Variants in TANC1 observed in about 807,000 individuals in gnomAD.
TANC1 encodes protein TANC1.
Under a neutral mutation model 149.7 loss-of-function variants are expected in TANC1, and 77 were observed. The observed-to-expected ratio is 0.51, with a 90% CI of 0.43 to 0.62. The LOEUF is 0.62. TANC1 is among the 20% of genes least tolerant of loss of function. The pLI, the probability that TANC1 is intolerant of heterozygous loss-of-function variation, is 0.00. For missense variants in TANC1, 1,985 were observed against 2,321.8 expected (o/e 0.85, Z 2.98); for synonymous variants, 854 against 925.0 (o/e 0.92, Z 1.39).
At chr2:159,166,027 A>G (rs995823558) in intron 8 of TANC1, among the ~76,000 whole-genome samples, 36 of 152,230 alleles carry the variant, frequency 2.4e-4, no homozygotes, top group African/African-American at 8.7e-4. Flanking sequence ...ATTTCACTAT[A>G]CAGATTTTCT....
intron 8 of TANC1, among the ~76,000 whole-genome samples, chr2:159,167,725 G>A (rs569082633): frequency 4.2e-4 from 64 of 152,310 alleles, no homozygotes. Context: ...GATGCAGCGA[G>A]AGGGGATATG....
Position 159,230,171 on chromosome 2 carries a change from T to C in TANC1, c.4745T>C (p.Leu1582Ser). ...CCTGCTGGGAGCAGAACCCAGCATT[T>C]AGAGGGAACAGGTACTTTCACTACA... Reference protein sequence around the residue: ...ATPAGSRTQHLEGTGTFTTRA... With the variant: ...ATPAGSRTQHSEGTGTFTTRA... Residue 1582 changes from leucine (L) to serine (S), a missense_variant, in exon 27 of 27, where the codon TTA becomes TCA. Coordinates refer to ENST00000263635, the MANE Select transcript of TANC1 (RefSeq NM_033394.3). This position sits in a 1 kb window ranked among gnomAD's most constrained non-coding sequence, Gnocchi z 4.4. The C allele has an allele frequency of 6.2e-7, 1 of 1,614,060 alleles. No homozygotes were observed. The highest frequency in any genetic ancestry group is 8.5e-7 in the Non-Finnish European group (1 of 1,180,020).
chr2:159,117,678 G>A (rs964424353), intron 4 of TANC1, among the ~76,000 whole-genome samples: 1 of 144,974 alleles, frequency 6.9e-6, no homozygotes, highest in Non-Finnish European at 1.5e-5. Context: ...TTACAGGCGT[G>A]AGCCACCGTG....
At chr2:159,219,504 C>A in intron 21 of TANC1, 143 bp downstream of exon 21, 1 of 1,306,522 alleles carries the variant, frequency 7.7e-7, no homozygotes, top group Non-Finnish European at 1.1e-6. Flanking sequence ...ATAGGCAACA[C>A]AGCCACATGC....
In TANC1 at chr2:159,123,210, G is replaced by A. The variant is rs369778247; in HGVS notation, c.260-12984G>A. On this transcript the variant is annotated intron_variant, in intron 4 of 26. Coordinates refer to ENST00000263635, the MANE Select transcript of TANC1 (RefSeq NM_033394.3). ...CCAGAGCAGGTAGGTGTGAGGATGG[G>A]GCTGAAGAATTTCCTTCAGGTGCTC... 1.2e-4 allele frequency among the ~76,000 whole-genome samples: 18 copies of A among 152,210 alleles called. No individual in the cohort carries two copies. The East Asian group carries it at 2.9e-3, about 24-fold the overall frequency.
intron 2 of TANC1, among the ~76,000 whole-genome samples, chr2:159,057,953 C>G (rs531199259): frequency 6.6e-6 from 1 of 152,052 alleles, no homozygotes; most frequent in Non-Finnish European, 1.5e-5. Flanking sequence ...TCTAGTTAGC[C>G]GTGTTTTGCT....
chr2:159,134,450 G>T (rs796732172), intron 4 of TANC1, among the ~76,000 whole-genome samples: 10 of 151,742 alleles, frequency 6.6e-5, no homozygotes, highest in African/African-American at 2.4e-4. Flanking sequence ...GACTTCAGGC[G>T]CACATCACTG....
chr2:159,019,476 C>T (rs1010641241), intron 2 of TANC1, among the ~76,000 whole-genome samples: 8 of 152,036 alleles, frequency 5.3e-5, no homozygotes, highest in African/African-American at 2.4e-5. Flanking sequence ...AGCATATGGG[C>T]CACACAATAT....
chr2:159,032,449 A>G (rs1360090269), intron 2 of TANC1, among the ~76,000 whole-genome samples: 1 of 152,006 alleles, frequency 6.6e-6, no homozygotes, highest in African/African-American at 2.4e-5. Context: ...GAGCAAAGTA[A>G]CCTTTTCTTG....
chr2:159,209,477 G>A (rs1252248347), intron 19 of TANC1, among the ~76,000 whole-genome samples: 1 of 152,146 alleles, frequency 6.6e-6, no homozygotes, highest in African/African-American at 2.4e-5. Context: ...GGGCGGGGAG[G>A]CAAGGCACAT....
chr2:158,982,771 C>CTTTTTT (rs1458473735), intron 1 of TANC1, among the ~76,000 whole-genome samples: 1 of 152,108 alleles, frequency 6.6e-6, no homozygotes, highest in Non-Finnish European at 1.5e-5. Context: ...TCATGCCTGA[C>CTTTTTT]TAATTTTTTT....
Position 159,231,205 on chromosome 2 carries a change from C to G in TANC1, c.*193C>G, listed in dbSNP as rs367937353. 7.3e-5 allele frequency: 38 copies of G among 522,988 alleles called. No individual in the cohort carries two copies. The East Asian group carries it at 1.1e-3, about 16-fold the overall frequency. 32.4% of individuals were successfully genotyped at this position (522,988 alleles called of 1,614,324 possible). A position where few individuals can be genotyped will look rare whatever the true frequency, so the allele number is the denominator to read the frequency against. On this transcript the variant is annotated 3_prime_UTR_variant, in exon 27 of 27. Coordinates refer to ENST00000263635, the MANE Select transcript of TANC1 (RefSeq NM_033394.3). ...CTAGAAATCACCATAAATAAGAATG[C>G]TAAACAGAATTGAAAATTATATCAA...
At chr2:159,218,294 T>C (rs1057151050) in intron 20 of TANC1, among the ~76,000 whole-genome samples, 1 of 152,198 alleles carries the variant, frequency 6.6e-6, no homozygotes, top group Non-Finnish European at 1.5e-5. Flanking sequence ...GCGTCTCTGC[T>C]GATGCCTGCT....
chr2:159,055,432 T>A (rs1274559088), intron 2 of TANC1, among the ~76,000 whole-genome samples: 1 of 152,192 alleles, frequency 6.6e-6, no homozygotes, highest in Non-Finnish European at 1.5e-5. Context: ...CACCTCCCTA[T>A]TCCCCCTACC....
intron 3 of TANC1, among the ~76,000 whole-genome samples, chr2:159,088,269 G>T (rs142192838): frequency 1.7e-4 from 26 of 152,260 alleles, no homozygotes; most frequent in African/African-American, 5.3e-4. Context: ...CTGGAAACCT[G>T]TGATAATTTT....
chr2:159,175,036 C>G lies in TANC1; in HGVS notation c.1587C>G (p.Leu529=). 1.2e-6 allele frequency: 2 copies of G among 1,614,208 alleles called. No individual in the cohort carries two copies. The highest frequency in any genetic ancestry group is 1.7e-6 in the Non-Finnish European group (2 of 1,180,046). Residue 529 remains leucine (L), a synonymous_variant, in exon 12 of 27, where the codon CTC becomes CTG. Transcript: ENST00000263635. ...PEFVHSIAAL[L]CRSHQLAAYR... ...TTGTGCACAGCATCGCAGCTTTGCT[C>G]TGCCGGTCCCATCAGCTGGCCGCCT...
intron 5 of TANC1, among the ~76,000 whole-genome samples, chr2:159,138,579 G>T (rs548077053): frequency 6.6e-6 from 1 of 152,310 alleles, no homozygotes; most frequent in East Asian, 1.9e-4. Flanking sequence ...ACCCAGGTGT[G>T]TACAGATACA....
intron 3 of TANC1, among the ~76,000 whole-genome samples, chr2:159,093,830 C>G (rs1415402893): frequency 6.6e-6 from 1 of 151,958 alleles, no homozygotes; most frequent in African/African-American, 2.4e-5. Flanking sequence ...TGAAGGTCCT[C>G]ATGCTTACAG....
chr2:158,983,648 T>C (rs576944535), intron 1 of TANC1, among the ~76,000 whole-genome samples: 1 of 152,178 alleles, frequency 6.6e-6, no homozygotes, highest in African/African-American at 2.4e-5. Flanking sequence ...TGCTTGAGTA[T>C]GGTTTAGAAC....
Sources: allele counts gnomAD v4.1 joint callset (sites outside exome capture counted in the v4.1 genomes callset), GRCh38; gene constraint gnomAD v4.1.1; non-coding constraint Gnocchi (gnomAD v3.1); transcripts MANE v1.5; gene names NCBI Gene and HGNC (gene_info 2026-07-23, HGNC 2026-07-21).